MYO16: variants seen among roughly 807,000 people sequenced by gnomAD.
The protein encoded by MYO16 is unconventional myosin-XVI.
Under a neutral mutation model 205.3 loss-of-function variants are expected in MYO16, and 94 were observed. That is an observed-to-expected ratio of 0.46 (90% CI 0.39 to 0.54). The LOEUF is 0.54. Ranked by LOEUF, MYO16 falls within the 20% of genes least tolerant of loss-of-function variation. The pLI, the probability that MYO16 is intolerant of heterozygous loss-of-function variation, is 0.00. For missense variants in MYO16, 2,315 were observed against 2,387.5 expected (o/e 0.97, Z 0.63); for synonymous variants, 988 against 954.0 (o/e 1.04, Z -0.66).
chr13:109,020,139 A>G (rs1885973029), intron 23 of MYO16, among the ~76,000 whole-genome samples: 1 of 152,152 alleles, frequency 6.6e-6, no homozygotes, highest in South Asian at 2.1e-4. Context: ...ATGTTTCTAG[A>G]ATTATAACTT....
intron 22 of MYO16, among the ~76,000 whole-genome samples, chr13:109,019,324 G>T (rs1007238076): frequency 1.3e-5 from 2 of 151,994 alleles, no homozygotes; most frequent in East Asian, 1.9e-4. Context: ...TTTATTTTTT[G>T]ATAAGTTTCT....
intron 7 of MYO16, among the ~76,000 whole-genome samples, chr13:108,810,708 T>A (rs947723548): frequency 2.0e-5 from 3 of 152,138 alleles, no homozygotes; most frequent in Admixed American, 6.6e-5. Flanking sequence ...TATCTGTGTT[T>A]AGGGGAAAAA....
Position 109,055,715 on chromosome 13 carries a change from C to T in MYO16, c.3335+120C>T. On this transcript the variant is annotated intron_variant, in intron 27 of 34. Transcript: ENST00000457511. The surrounding 1 kb of genome is among the most constrained non-coding windows in gnomAD (Gnocchi z 5.0). ...TTTTTGGCACTGCTTTTGTTGTTTA[C>T]TTTTTTCTATCTCCAATAAACAAAA... is the stretch of plus-strand genomic sequence containing the variant. 1.2e-6 allele frequency: 1 copy of T among 831,914 alleles called. No individual in the cohort carries two copies. The highest frequency in any genetic ancestry group is 1.7e-5 in the South Asian group (1 of 60,098). The allele number at this position is 831,914 out of a possible 1,614,324, so 51.5% of individuals were successfully genotyped here.
intron 10 of MYO16, among the ~76,000 whole-genome samples, chr13:108,849,450 C>G (rs1163648860): frequency 6.6e-6 from 1 of 152,010 alleles, no homozygotes; most frequent in Non-Finnish European, 1.5e-5. Context: ...CTCTGCCTCC[C>G]AAAGTGCTGG....
At chr13:108,531,174 G>A in the MYO16 span, among the ~76,000 whole-genome samples, 3 of 152,204 alleles carry the variant, frequency 2.0e-5, no homozygotes, top group Non-Finnish European at 4.4e-5. Flanking sequence ...TTAAGGTGAG[G>A]TTGGCAAAGT....
chr13:109,103,525 A>C (rs1473156633), intron 28 of MYO16, among the ~76,000 whole-genome samples: 7 of 152,242 alleles, frequency 4.6e-5, no homozygotes, highest in Non-Finnish European at 1.0e-4. Context: ...TGCTGTGTTA[A>C]GTGGTATACA....
intron 12 of MYO16, among the ~76,000 whole-genome samples, chr13:108,873,642 G>C (rs575504582): frequency 7.7e-6 from 1 of 129,540 alleles, no homozygotes; most frequent in South Asian, 3.0e-4. Context: ...AACCAACCAG[G>C]ACAGGGTCCA....
At chr13:108,908,876 G>C (rs1025948834) in intron 15 of MYO16, among the ~76,000 whole-genome samples, 3 of 151,874 alleles carry the variant, frequency 2.0e-5, no homozygotes, top group Non-Finnish European at 4.4e-5. Flanking sequence ...AGGAGGCTGA[G>C]GCAGGAGAAT....
chr13:109,035,337 C>T (rs552755670), intron 23 of MYO16, among the ~76,000 whole-genome samples: 316 of 152,088 alleles, frequency 2.1e-3, no homozygotes, highest in Middle Eastern at 0.02. Flanking sequence ...TTTAAAAATA[C>T]GTCAATATCT....
At chr13:108,699,315 T>C (rs751376844) in intron 2 of MYO16, among the ~76,000 whole-genome samples, 2 of 152,078 alleles carry the variant, frequency 1.3e-5, no homozygotes, top group Non-Finnish European at 2.9e-5. Flanking sequence ...ATTGGCATGG[T>C]GTTCTTTATT....
rs184002208 is a variant in MYO16 at position 108,960,811 on chromosome 13, A to C, written c.2038-728A>C. Among the ~76,000 whole-genome samples, 303 of 152,352 alleles carry C rather than the reference A, an allele frequency of 2.0e-3. 1 individual carries two copies. The highest frequency in any genetic ancestry group is 7.0e-3 in the African/African-American group (292 of 41,576). On this transcript the variant is annotated intron_variant, in intron 17 of 34. Coordinates refer to ENST00000457511, the MANE Select transcript of MYO16 (RefSeq NM_001198950.3). ...CTTGATTTTTCATTCTTGCCAAAAA[A>C]TGACTATCCAAAATCAAATTTAAGG...
At chr13:108,685,527 G>T in intron 2 of MYO16, among the ~76,000 whole-genome samples, 1 of 152,222 alleles carries the variant, frequency 6.6e-6, no homozygotes, top group Admixed American at 6.5e-5. Flanking sequence ...AAGTGTTTGT[G>T]TTGAGTGTTT....
At chr13:108,850,083 G>A (rs1626752) in intron 10 of MYO16, among the ~76,000 whole-genome samples, 1 of 142,144 alleles carries the variant, frequency 7.0e-6, no homozygotes, top group Admixed American at 7.1e-5. Flanking sequence ...GGTTATTTGC[G>A]CCTAGACTGC....
chr13:108,632,209 T>G (rs760415877), intron 1 of MYO16, among the ~76,000 whole-genome samples: 1 of 152,158 alleles, frequency 6.6e-6, no homozygotes, highest in Non-Finnish European at 1.5e-5. Flanking sequence ...TCTCCCATAT[T>G]GGGCTGATCT....
chr13:108,941,544 G>A (rs1293498907), intron 16 of MYO16, among the ~76,000 whole-genome samples: 3 of 151,998 alleles, frequency 2.0e-5, no homozygotes, highest in East Asian at 3.9e-4. Context: ...GGGCATGGTG[G>A]TGTGCACCTG....
chr13:108,739,257 T>G (rs1487165868), intron 4 of MYO16, among the ~76,000 whole-genome samples: 1 of 152,212 alleles, frequency 6.6e-6, no homozygotes. Context: ...TTGGCATGTT[T>G]TTTTCAGTGG....
At chr13:109,004,143 T>C (rs1351964560) in intron 21 of MYO16, among the ~76,000 whole-genome samples, 1 of 152,202 alleles carries the variant, frequency 6.6e-6, no homozygotes, top group Non-Finnish European at 1.5e-5. Context: ...TGTATTCCAC[T>C]TAACCACACT....
chr13:109,139,856 C>A (rs932149582), intron 31 of MYO16, among the ~76,000 whole-genome samples: 1 of 150,964 alleles, frequency 6.6e-6, no homozygotes, highest in Admixed American at 6.6e-5. Flanking sequence ...CCACCAGAGC[C>A]GGGTGGTGGC....
chr13:108,991,955 T>G (rs904381413), intron 20 of MYO16, among the ~76,000 whole-genome samples: 1 of 152,222 alleles, frequency 6.6e-6, no homozygotes, highest in East Asian at 1.9e-4. Flanking sequence ...AGTTTAAGGG[T>G]GCATGTACAG....
Sources: gnomAD v4.1 joint callset for allele counts (sites outside exome capture counted in the v4.1 genomes callset) on GRCh38, gnomAD v4.1.1 for gene constraint, Gnocchi (gnomAD v3.1) non-coding constraint, MANE v1.5 for transcripts, NCBI Gene and HGNC (gene_info 2026-07-23, HGNC 2026-07-21) for gene names.